KCTD16: variants seen among roughly 807,000 people sequenced by gnomAD.
The protein encoded by KCTD16 is BTB/POZ domain-containing protein KCTD16.
A neutral mutation model predicts 33.2 loss-of-function variants in KCTD16; 13 were observed. The observed-to-expected ratio is 0.39, with a 90% CI of 0.25 to 0.62. KCTD16 has a LOEUF of 0.62. KCTD16 is among the 20% of genes least tolerant of loss of function. The pLI is 0.50. For missense variants in KCTD16, 441 were observed against 525.1 expected, an observed-to-expected ratio of 0.84 and a Z score of 1.57; for synonymous variants, 197 against 195.3, an observed-to-expected ratio of 1.01 and a Z score of -0.07.
At chr5:144,469,805 A>G (rs1488678149) in intron 3 of KCTD16, among the ~76,000 whole-genome samples, 2 of 151,890 alleles carry the variant, frequency 1.3e-5, no homozygotes, top group Non-Finnish European at 2.9e-5. Context: ...CTGATTATTC[A>G]TCAAACATTT....
intron 3 of KCTD16, among the ~76,000 whole-genome samples, chr5:144,264,479 G>C (rs1349007200): frequency 6.6e-6 from 1 of 152,166 alleles, no homozygotes; most frequent in African/African-American, 2.4e-5. Context: ...CAGGTCAGGA[G>C]CTGTGATAGG....
chr5:144,340,748 C>T (rs192929847), intron 3 of KCTD16, among the ~76,000 whole-genome samples: 77 of 152,116 alleles, frequency 5.1e-4, no homozygotes, highest in Non-Finnish European at 1.0e-3. Context: ...GAAGAGAGCC[C>T]TCATTAAGAA....
At chr5:144,334,940 C>T (rs772481611) in intron 3 of KCTD16, among the ~76,000 whole-genome samples, 16 of 152,080 alleles carry the variant, frequency 1.1e-4, no homozygotes, top group Non-Finnish European at 2.4e-4. Flanking sequence ...CCACACCTGG[C>T]TAATTTTTTT....
intron 3 of KCTD16, among the ~76,000 whole-genome samples, chr5:144,450,416 T>C (rs1309578670): frequency 6.6e-6 from 1 of 152,054 alleles, no homozygotes; most frequent in African/African-American, 2.4e-5. Flanking sequence ...AAAATAGAAC[T>C]ATCATATGAT....
At chr5:144,199,220 C>T (rs570895927) in intron 2 of KCTD16, among the ~76,000 whole-genome samples, 201 of 152,280 alleles carry the variant, frequency 1.3e-3, no homozygotes, top group African/African-American at 4.6e-3. Flanking sequence ...ACAACAAAGA[C>T]GCCTTTTGAA....
intron 3 of KCTD16, among the ~76,000 whole-genome samples, chr5:144,471,134 C>T (rs1255910717): frequency 1.1e-4 from 16 of 152,012 alleles, no homozygotes; most frequent in East Asian, 7.7e-4. Flanking sequence ...GAACTGAGAT[C>T]GTAGCACCAC....
intron 3 of KCTD16, among the ~76,000 whole-genome samples, chr5:144,463,737 T>C (rs1754256074): frequency 6.6e-6 from 1 of 152,188 alleles, no homozygotes; most frequent in African/African-American, 2.4e-5. Flanking sequence ...CTGAAAACTG[T>C]GCATGACAAG....
chr5:144,406,151 G>A (rs959056885), intron 3 of KCTD16, among the ~76,000 whole-genome samples: 8 of 152,186 alleles, frequency 5.3e-5, no homozygotes, highest in African/African-American at 1.7e-4. Flanking sequence ...TAACCAGGAA[G>A]CACCCTGAGA....
chr5:144,355,855 G>A lies in KCTD16; in HGVS notation c.833-117805G>A, dbSNP rs541631275. Among the ~76,000 whole-genome samples, 14 of 152,042 alleles carry A rather than the reference G, an allele frequency of 9.2e-5. No individual in the cohort carries two copies. In the East Asian group the frequency reaches 1.9e-3, roughly 21 times the overall value. ...TCCCCTTGCTCAGAATGTCCTTTTC[G>A]CTCCATTCTTGCTATAAAAATCCTA... On this transcript the variant is annotated intron_variant, in intron 3 of 3. Coordinates refer to ENST00000512467, the MANE Select transcript of KCTD16 (RefSeq NM_020768.4).
intron 2 of KCTD16, chr5:144,205,579 G>A (rs1753145378): frequency 7.5e-6 from 3 of 398,618 alleles, no homozygotes; most frequent in Admixed American, 8.8e-5. Flanking sequence ...CCCTAGCAGG[G>A]CACATCTCTC....
intron 3 of KCTD16, among the ~76,000 whole-genome samples, chr5:144,417,389 T>C (rs778312662): frequency 2.4e-4 from 36 of 152,256 alleles, no homozygotes; most frequent in Non-Finnish European, 4.7e-4. Context: ...GGCATCTTTT[T>C]ATGTGTTTGT....
At chr5:144,323,552 G>A (rs1752128967) in intron 3 of KCTD16, among the ~76,000 whole-genome samples, 7 of 152,186 alleles carry the variant, frequency 4.6e-5, no homozygotes, top group Admixed American at 3.9e-4. Flanking sequence ...CATGAAAGGA[G>A]TCCTATGTCT....
At chr5:144,441,114 C>G (rs1580967517) in intron 3 of KCTD16, among the ~76,000 whole-genome samples, 1 of 151,974 alleles carries the variant, frequency 6.6e-6, no homozygotes, top group East Asian at 1.9e-4. Context: ...ATTGGGTTAT[C>G]TATGTTTTTT....
At chr5:144,325,142 A>G (rs1752172201) in intron 3 of KCTD16, among the ~76,000 whole-genome samples, 2 of 152,228 alleles carry the variant, frequency 1.3e-5, no homozygotes, top group South Asian at 2.1e-4. Context: ...AGAGTTTTAT[A>G]GGTTAGATCT....
At chr5:144,182,498 A>G (rs1479016807) in intron 2 of KCTD16, among the ~76,000 whole-genome samples, 2 of 152,242 alleles carry the variant, frequency 1.3e-5, no homozygotes, top group Admixed American at 1.3e-4. Context: ...TGAGATATGT[A>G]GGTCAAAGGG....
chr5:144,403,015 G>A (rs139355161), intron 3 of KCTD16, among the ~76,000 whole-genome samples: 32 of 152,262 alleles, frequency 2.1e-4, no homozygotes, highest in Non-Finnish European at 3.4e-4. Flanking sequence ...GCATTTGTTG[G>A]TTTATGGCTA....
intron 3 of KCTD16, among the ~76,000 whole-genome samples, chr5:144,210,007 A>G (rs1404252934): frequency 6.6e-6 from 1 of 151,448 alleles, no homozygotes; most frequent in Non-Finnish European, 1.5e-5. Flanking sequence ...GTCACTTTGC[A>G]TGGATCAATA....
chr5:144,223,087 G>A (rs1031830451), intron 3 of KCTD16, among the ~76,000 whole-genome samples: 8 of 152,046 alleles, frequency 5.3e-5, no homozygotes, highest in African/African-American at 1.4e-4. Context: ...GGTGGGAATT[G>A]AACAATGAGA....
intron 3 of KCTD16, among the ~76,000 whole-genome samples, chr5:144,293,959 A>G (rs1755965483): frequency 6.6e-6 from 1 of 152,144 alleles, no homozygotes; most frequent in Non-Finnish European, 1.5e-5. Context: ...GGAGATAGAG[A>G]CCATTCCGGG....
Sources: allele counts gnomAD v4.1 joint callset (sites outside exome capture counted in the v4.1 genomes callset), GRCh38; gene constraint gnomAD v4.1.1; transcripts MANE v1.5; gene names NCBI Gene and HGNC (gene_info 2026-07-23, HGNC 2026-07-21).